The following CLCN5 variants were observed in gnomAD, a reference collection of about 807,000 sequenced individuals.
CLCN5 encodes H(+)/Cl(-) exchange transporter 5.
CLCN5 carries 17 observed loss-of-function variants against 54.0 expected under a neutral mutation model. The ratio of observed to expected loss-of-function variants is 0.31; its 90% confidence interval spans 0.22 to 0.47. CLCN5 has a LOEUF of 0.47. Among genes scored for constraint, CLCN5 ranks in the 20% least tolerant of loss-of-function variants. The pLI, the probability that CLCN5 is intolerant of heterozygous loss-of-function variation, is 1.00. For missense variants in CLCN5, 448 were observed against 646.7 expected, an observed-to-expected ratio of 0.69 and a Z score of 3.33; for synonymous variants, 222 against 233.0, an observed-to-expected ratio of 0.95 and a Z score of 0.43.
intron 4 of CLCN5, among the ~76,000 whole-genome samples, chrX:50,059,909 T>C (rs1172996436): frequency 9.4e-6 from 1 of 106,845 alleles, no homozygotes; most frequent in Admixed American, 1.0e-4. Flanking sequence ...ATAGTATCTT[T>C]GCTAAATCGA....
chrX:49,998,450 A>C (rs1929636067), intron 3 of CLCN5, among the ~76,000 whole-genome samples: 1 of 111,216 alleles, frequency 9.0e-6, no homozygotes, highest in South Asian at 3.8e-4. Flanking sequence ...GTAGTGCTGC[A>C]AAGTGAGCCT....
chrX:50,026,377 T>G (rs75837611), intron 3 of CLCN5, among the ~76,000 whole-genome samples: 4 of 112,045 alleles, frequency 3.6e-5, no homozygotes, highest in Admixed American at 2.8e-4. Flanking sequence ...AGACATCAAC[T>G]TGATCTAGTT....
At chrX:50,000,629 G>C (rs782331476) in intron 3 of CLCN5, among the ~76,000 whole-genome samples, 25 of 111,765 alleles carry the variant, frequency 2.2e-4, no homozygotes, top group African/African-American at 8.1e-4. Context: ...CACTGTCTTG[G>C]TAGTCAGATT....
At position 50,096,611 on chromosome X, in the gene CLCN5, C is replaced by T. The variant is rs1557195655; in HGVS notation, c.*4392C>T. The T allele has an allele frequency of 8.9e-6, 1 of 112,830 alleles. No individual in the cohort carries two copies. The highest frequency in any genetic ancestry group is 3.3e-5 in the African/African-American group (1 of 30,708). 9.3% of individuals were successfully genotyped at this position (112,830 alleles called of 1,213,427 possible). On this transcript the variant is annotated 3_prime_UTR_variant, in exon 15 of 15. Coordinates refer to ENST00000376091, the MANE Select transcript of CLCN5 (RefSeq NM_001127898.4). Reference sequence around the variant, plus strand: ...GGATTATAGGTGTGAGCCACCGCACCCAGCCAAACCTTGATTTTTTTAGCC... The same window carrying T: ...GGATTATAGGTGTGAGCCACCGCACTCAGCCAAACCTTGATTTTTTTAGCC...
intron 3 of CLCN5, among the ~76,000 whole-genome samples, chrX:49,984,477 T>C (rs1356911838): frequency 6.2e-5 from 7 of 112,310 alleles, no homozygotes; most frequent in Non-Finnish European, 1.1e-4. Context: ...ACTGTAAGAT[T>C]ATTATTTATT....
At position 50,092,565 on chromosome X, in the gene CLCN5, A is replaced by G. The variant is rs1320306587; in HGVS notation, c.*346A>G. On this transcript the variant is annotated 3_prime_UTR_variant, in exon 15 of 15. Coordinates refer to ENST00000376091, the MANE Select transcript of CLCN5 (RefSeq NM_001127898.4). ...TGAAAACTATGCAAGAGAAATTCCA[A>G]CCGTCCTGACCTATAACCTGTAGGA... is the stretch of plus-strand genomic sequence containing the variant. 1 of 204,748 alleles carries G rather than the reference A, an allele frequency of 4.9e-6. No individual in the cohort carries two copies. The highest frequency in any genetic ancestry group is 6.5e-5 in the Admixed American group (1 of 15,414). The allele number at this position is 204,748 out of a possible 1,213,427, so 16.9% of individuals were successfully genotyped here.
chrX:50,077,621 A>AGAGT lies in CLCN5; in HGVS notation c.603+1640_603+1641insAGTG, dbSNP rs1345872952. On this transcript the variant is annotated intron_variant, in intron 7 of 14. Transcript: ENST00000376091. ...GAGAGAGAGAGAGAGAGAGAGAGAG[A>AGAGT]GTGTGTGTGTGTGTGTGTGTGTGTG... 1.0e-2 allele frequency among the ~76,000 whole-genome samples: 784 copies of AGAGT among 78,670 alleles called. 1 individual carries two copies. The highest frequency in any genetic ancestry group is 0.014 in the Non-Finnish European group (588 of 42,781). The allele number at this position is 78,670 out of a possible 115,157, so 68.3% of individuals were successfully genotyped here. A position where few individuals can be genotyped will look rare whatever the true frequency, so the allele number is the denominator to read the frequency against.
At chrX:50,018,666 G>C (rs782716895) in intron 3 of CLCN5, among the ~76,000 whole-genome samples, 1 of 111,895 alleles carries the variant, frequency 8.9e-6, no homozygotes, top group Admixed American at 9.5e-5. Flanking sequence ...TCGTGAATGG[G>C]TGTTGCGTAT....
chrX:49,957,890 A>G (rs1357503812), intron 3 of CLCN5, among the ~76,000 whole-genome samples: 1 of 111,582 alleles, frequency 9.0e-6, no homozygotes. Context: ...AAACTATAGT[A>G]CAATATTGAA....
intron 3 of CLCN5, among the ~76,000 whole-genome samples, chrX:49,936,230 A>G (rs781827364): frequency 3.6e-5 from 4 of 111,948 alleles, no homozygotes; most frequent in Middle Eastern, 4.6e-3. Context: ...ATCCCATGCC[A>G]TGAACATGCT....
chrX:50,079,665 C>G (rs1222633294), intron 7 of CLCN5, among the ~76,000 whole-genome samples: 2 of 111,213 alleles, frequency 1.8e-5, no homozygotes, highest in Non-Finnish European at 3.8e-5. Flanking sequence ...AAACTTTCTA[C>G]TTATATGGTT....
chrX:49,994,135 G>A (rs868988927), intron 3 of CLCN5, among the ~76,000 whole-genome samples: 2 of 111,897 alleles, frequency 1.8e-5, no homozygotes, highest in Admixed American at 9.5e-5. Context: ...TGGGGAGAAA[G>A]AAATCTGCTT....
chrX:49,965,175 A>G (rs1209744780), intron 3 of CLCN5, among the ~76,000 whole-genome samples: 1 of 111,584 alleles, frequency 9.0e-6, no homozygotes, highest in Non-Finnish European at 1.9e-5. Context: ...AAGGGGCTGA[A>G]GGTGGGTCTG....
intron 3 of CLCN5, among the ~76,000 whole-genome samples, chrX:49,971,274 AT>A (rs1227148578): frequency 9.7e-6 from 1 of 103,426 alleles, no homozygotes; most frequent in African/African-American, 3.5e-5. Flanking sequence ...TTTTATATAT[AT>A]TATTTATATA....
rs1373277072 is a variant in CLCN5 at position 50,065,018 on chromosome X, G to A, written c.164-4861G>A. On this transcript the variant is annotated intron_variant, in intron 4 of 14. Coordinates refer to ENST00000376091, the MANE Select transcript of CLCN5 (RefSeq NM_001127898.4). ...CTTATACAAAAATTAATTCAAGATG[G>A]ATTAAAGATTTAAACATTAGACCTA... 2.7e-5 allele frequency among the ~76,000 whole-genome samples: 3 copies of A among 110,538 alleles called. No individual in the cohort carries two copies. The South Asian group carries it at 1.2e-3, about 43-fold the overall frequency.
chrX:49,979,478 C>G (rs1360622669), intron 3 of CLCN5, among the ~76,000 whole-genome samples: 1 of 111,834 alleles, frequency 8.9e-6, no homozygotes, highest in East Asian at 2.8e-4. Context: ...CAGGGTAGTT[C>G]TGAAGCTTTT....
At chrX:50,013,183 CTT>C in intron 3 of CLCN5, 1 of 278,651 alleles carries the variant, frequency 3.6e-6, no homozygotes, top group Admixed American at 4.0e-5. Context: ...CTCTTTCTCT[CTT>C]TCTGTCTTTC....
chrX:50,046,408 C>T (rs1557187757), intron 4 of CLCN5, among the ~76,000 whole-genome samples: 7 of 111,910 alleles, frequency 6.3e-5, no homozygotes. Flanking sequence ...CTTGCTACTC[C>T]CTAACTGTTG....
chrX:49,957,522 T>A (rs782543824), intron 3 of CLCN5, among the ~76,000 whole-genome samples: 6 of 112,160 alleles, frequency 5.3e-5, no homozygotes, highest in African/African-American at 1.9e-4. Flanking sequence ...TGGTGAGTTC[T>A]ACCTTTATCT....
Sources: allele counts gnomAD v4.1 joint callset (sites outside exome capture counted in the v4.1 genomes callset), GRCh38; gene constraint gnomAD v4.1.1; transcripts MANE v1.5; gene names NCBI Gene and HGNC (gene_info 2026-07-23, HGNC 2026-07-21).